CLSTN2: variants seen among roughly 807,000 people sequenced by gnomAD.
CLSTN2 encodes the protein calsyntenin 2.
In CLSTN2, 48 loss-of-function variants were observed where a neutral mutation model predicts 101.2. The ratio of observed to expected loss-of-function variants is 0.47; its 90% CI spans 0.38 to 0.60. CLSTN2 has a LOEUF of 0.60. Among genes scored for constraint, CLSTN2 ranks in the 20% least tolerant of loss-of-function variants. The pLI is 0.00. For missense variants in CLSTN2, 1,160 were observed against 1,238.2 expected (o/e 0.94, Z 0.95); for synonymous variants, 481 against 463.6 (o/e 1.04, Z -0.48).
At chr3:140,493,175 T>C (rs1193263785) in intron 8 of CLSTN2, among the ~76,000 whole-genome samples, 1 of 152,224 alleles carries the variant, frequency 6.6e-6, no homozygotes, top group Non-Finnish European at 1.5e-5. Flanking sequence ...GGGTTTACCT[T>C]TTTGGCCTTT....
intron 2 of CLSTN2, among the ~76,000 whole-genome samples, chr3:140,202,740 G>A (rs2010732566): frequency 6.6e-6 from 1 of 152,000 alleles, no homozygotes; most frequent in Admixed American, 6.5e-5. Context: ...AATGGCCAGT[G>A]TGTTAGGAGG....
At chr3:140,458,849 C>T (rs1933483623) in intron 6 of CLSTN2, among the ~76,000 whole-genome samples, 1 of 152,220 alleles carries the variant, frequency 6.6e-6, no homozygotes, top group South Asian at 2.1e-4. Context: ...CTTATTTGCT[C>T]ATAGTCACAA....
At chr3:140,335,688 A>G (rs1225455901) in intron 2 of CLSTN2, among the ~76,000 whole-genome samples, 4 of 152,256 alleles carry the variant, frequency 2.6e-5, no homozygotes, top group East Asian at 1.9e-4. Context: ...AATAAAGACA[A>G]GGGAGAATAC....
At chr3:140,356,712 C>A (rs2087674161) in intron 2 of CLSTN2, among the ~76,000 whole-genome samples, 1 of 133,898 alleles carries the variant, frequency 7.5e-6, no homozygotes, top group Non-Finnish European at 1.5e-5. Flanking sequence ...GAGCCGAGAT[C>A]ATGCCACTGC....
At chr3:140,452,238 C>G (rs1933269209) in intron 6 of CLSTN2, among the ~76,000 whole-genome samples, 1 of 152,186 alleles carries the variant, frequency 6.6e-6, no homozygotes, top group East Asian at 1.9e-4. Flanking sequence ...CCCTGCTGAT[C>G]CATTACTACA....
At chr3:140,326,932 A>G (rs1478339353) in intron 2 of CLSTN2, among the ~76,000 whole-genome samples, 1 of 152,226 alleles carries the variant, frequency 6.6e-6, no homozygotes, top group African/African-American at 2.4e-5. Context: ...CCTTTTATCC[A>G]TCATTGCTAA....
intron 2 of CLSTN2, among the ~76,000 whole-genome samples, chr3:140,298,962 C>T (rs1188134663): frequency 6.6e-6 from 1 of 152,132 alleles, no homozygotes; most frequent in African/African-American, 2.4e-5. Context: ...CTGAATAGTG[C>T]CTCACCCAGT....
chr3:140,515,880 G>T (rs942565782), intron 8 of CLSTN2, among the ~76,000 whole-genome samples: 1 of 152,066 alleles, frequency 6.6e-6, no homozygotes, highest in Non-Finnish European at 1.5e-5. Flanking sequence ...GTTTAAGTAA[G>T]TTGTTTCTTT....
intron 1 of CLSTN2, among the ~76,000 whole-genome samples, chr3:140,086,396 T>TA (rs1396025977): frequency 6.6e-6 from 1 of 152,210 alleles, no homozygotes; most frequent in Non-Finnish European, 1.5e-5. Context: ...ACAAATGACT[T>TA]AAACCCTTTG....
At chr3:140,423,966 C>T (rs1337309022) in intron 5 of CLSTN2, among the ~76,000 whole-genome samples, 1 of 152,242 alleles carries the variant, frequency 6.6e-6, no homozygotes, top group Admixed American at 6.5e-5. Context: ...CCCCTTTGTT[C>T]AGGTGTGCTC....
intron 1 of CLSTN2, among the ~76,000 whole-genome samples, chr3:140,001,699 A>G (rs774627796): frequency 2.5e-4 from 38 of 151,832 alleles, no homozygotes; most frequent in Non-Finnish European, 4.6e-4. Context: ...TCAAATACTA[A>G]GTCTCATTCA....
In CLSTN2 at chr3:140,466,865, G is replaced by T. The variant is rs1475932715; in HGVS notation, c.1344+134G>T. The T allele has an allele frequency of 1.3e-5, 15 of 1,137,054 alleles. No individual in the cohort carries two copies. In the Middle Eastern group the frequency reaches 1.8e-3, roughly 133 times the overall value. 70.4% of individuals were successfully genotyped at this position (1,137,054 alleles called of 1,614,324 possible). The stretch of plus-strand genomic sequence containing the variant: ...TGAATTTTGGAAAAATCAGCTTAGG[G>T]AGACACACAGCATCTTAAAGTCAGG... On this transcript the variant is annotated intron_variant, in intron 8 of 16. Coordinates refer to ENST00000458420, the MANE Select transcript of CLSTN2 (RefSeq NM_022131.3).
At chr3:140,530,952 C>A (rs1313338922) in intron 8 of CLSTN2, among the ~76,000 whole-genome samples, 1 of 152,196 alleles carries the variant, frequency 6.6e-6, no homozygotes, top group Admixed American at 6.5e-5. Context: ...GCCCAGGGTG[C>A]TCCTACCTCT....
At chr3:139,984,071 G>A (rs1935982463) in intron 1 of CLSTN2, among the ~76,000 whole-genome samples, 1 of 152,096 alleles carries the variant, frequency 6.6e-6, no homozygotes, top group East Asian at 1.9e-4. Context: ...TCTTTAATCA[G>A]CTAAGCAATG....
intron 1 of CLSTN2, among the ~76,000 whole-genome samples, chr3:140,001,312 T>C (rs1044192258): frequency 6.6e-6 from 1 of 152,056 alleles, no homozygotes; most frequent in African/African-American, 2.4e-5. Context: ...TCTACTAATC[T>C]CATCTTCTGC....
At chr3:140,253,545 G>A (rs2086580922) in intron 2 of CLSTN2, among the ~76,000 whole-genome samples, 1 of 152,176 alleles carries the variant, frequency 6.6e-6, no homozygotes. Flanking sequence ...GAAAGTATGA[G>A]CACAGGCCCC....
chr3:140,261,620 G>A (rs1021818741), intron 2 of CLSTN2, among the ~76,000 whole-genome samples: 1 of 151,328 alleles, frequency 6.6e-6, no homozygotes, highest in Admixed American at 6.6e-5. Context: ...GGGAATCATT[G>A]CTTCTATTTT....
intron 1 of CLSTN2, among the ~76,000 whole-genome samples, chr3:140,147,373 TTC>T (rs1339178600): frequency 3.3e-5 from 5 of 152,222 alleles, no homozygotes; most frequent in African/African-American, 1.2e-4. Flanking sequence ...GAATGTCAGC[TTC>T]TCTGTTAAAT....
At chr3:139,972,506 C>T (rs1935729593) in intron 1 of CLSTN2, among the ~76,000 whole-genome samples, 1 of 152,138 alleles carries the variant, frequency 6.6e-6, no homozygotes, top group Non-Finnish European at 1.5e-5. Flanking sequence ...AAACACTCTG[C>T]TCCATCACTT....
Sources: gnomAD v4.1 joint callset for allele counts (sites outside exome capture counted in the v4.1 genomes callset) on GRCh38, gnomAD v4.1.1 for gene constraint, MANE v1.5 for transcripts, NCBI Gene and HGNC (gene_info 2026-07-23, HGNC 2026-07-21) for gene names.